The following HMGA2 variants were observed in gnomAD, a reference collection of about 807,000 sequenced individuals.
HMGA2 encodes the protein high mobility group protein HMGI-C.
Under a neutral mutation model 19.1 loss-of-function variants are expected in HMGA2, and 8 were observed. That is an observed-to-expected ratio of 0.42 (90% confidence interval 0.25 to 0.76). HMGA2 has a LOEUF of 0.76. Ranked by LOEUF, HMGA2 falls within the 30% of genes least tolerant of loss-of-function variation. The pLI is 0.28. For synonymous variants in HMGA2, 60 were observed against 48.8 expected, an observed-to-expected ratio of 1.23 and a Z score of -0.96; for missense variants, 109 against 136.3, an observed-to-expected ratio of 0.80 and a Z score of 1.00.
rs146547770 is a variant in HMGA2 at position 65,884,011 on chromosome 12, G to A, written c.249+45442G>A. ...CTCCCGGGTAACTGGGATTACAGGCGCGCACCACCACGCCCAGCTAATTTT... is the reference window on the plus strand; with the variant it reads ...CTCCCGGGTAACTGGGATTACAGGCACGCACCACCACGCCCAGCTAATTTT... On this transcript the variant is annotated intron_variant, in intron 3 of 4. Coordinates refer to ENST00000403681, the MANE Select transcript of HMGA2 (RefSeq NM_003483.6). 3.0e-3 allele frequency among the ~76,000 whole-genome samples: 453 copies of A among 152,140 alleles called. 4 individuals carry two copies. Among genetic ancestry groups the A allele is most frequent in the African/African-American group, 0.01 (423 of 41,512 alleles).
chr12:65,899,920 G>A (rs1008522183), intron 3 of HMGA2, among the ~76,000 whole-genome samples: 4 of 152,146 alleles, frequency 2.6e-5, no homozygotes, highest in African/African-American at 9.7e-5. Flanking sequence ...TACTATTCAA[G>A]TTAGACACTA....
At chr12:65,856,517 A>G (rs1871749876) in intron 3 of HMGA2, 2 of 152,130 alleles carry the variant, frequency 1.3e-5, no homozygotes, top group African/African-American at 2.4e-5. Context: ...TTGGATTTCC[A>G]TTGGGAATGT....
intron 2 of HMGA2, 38 bp downstream of exon 2, chr12:65,828,125 A>G: frequency 7.0e-7 from 1 of 1,434,614 alleles, no homozygotes; most frequent in Non-Finnish European, 9.8e-7. Context: ...AACTTCATCA[A>G]TGACTGACTA....
chr12:65,836,118 G>T (rs1317075801), intron 2 of HMGA2, among the ~76,000 whole-genome samples: 1 of 152,150 alleles, frequency 6.6e-6, no homozygotes, highest in Non-Finnish European at 1.5e-5. Context: ...CTCCCTTTCT[G>T]GGAGGCAGAG....
intron 3 of HMGA2, among the ~76,000 whole-genome samples, chr12:65,901,261 T>TG (rs1874360902): frequency 2.6e-5 from 4 of 152,228 alleles, no homozygotes; most frequent in African/African-American, 9.6e-5. Flanking sequence ...CTTTACATTA[T>TG]AAATAGCATA....
intron 3 of HMGA2, chr12:65,842,110 T>G: frequency 7.8e-7 from 1 of 1,289,506 alleles, no homozygotes; most frequent in African/African-American, 1.5e-5. Context: ...AAATTGGGTC[T>G]CTTTTTTTCC....
At chr12:65,882,290 G>C (rs1195411877) in intron 3 of HMGA2, 1 of 239,338 alleles carries the variant, frequency 4.2e-6, no homozygotes, top group African/African-American at 2.2e-5. Context: ...AGGAAGCCTC[G>C]GCTGTGCTCC....
At chr12:65,915,125 C>A in intron 3 of HMGA2, 1 of 1,613,676 alleles carries the variant, frequency 6.2e-7, no homozygotes, top group South Asian at 1.1e-5. Flanking sequence ...CAAAAGGAGT[C>A]ACTGAATTGT....
At chr12:65,904,037 G>A (rs1031726270) in intron 3 of HMGA2, among the ~76,000 whole-genome samples, 6 of 152,224 alleles carry the variant, frequency 3.9e-5, no homozygotes, top group Non-Finnish European at 7.3e-5. Context: ...ATCGCGTAGC[G>A]ATCCATGAGC....
intron 3 of HMGA2, among the ~76,000 whole-genome samples, chr12:65,919,436 A>T (rs1027835252): frequency 6.6e-6 from 1 of 152,206 alleles, no homozygotes; most frequent in Non-Finnish European, 1.5e-5. Flanking sequence ...CTCTTGCCTG[A>T]TTTTCATAAC....
chr12:65,952,577 G>T, intron 4 of HMGA2: 1 of 1,227,356 alleles, frequency 8.1e-7, no homozygotes, highest in East Asian at 2.7e-5. Context: ...GCTAAGAGTG[G>T]GAGAGGGGTG....
intron 3 of HMGA2, among the ~76,000 whole-genome samples, chr12:65,943,847 G>T (rs1220930716): frequency 2.6e-5 from 4 of 152,210 alleles, no homozygotes; most frequent in Non-Finnish European, 4.4e-5. Flanking sequence ...ATGAATGGAA[G>T]TTAAGACCTA....
rs183599887 is a variant in HMGA2 at position 65,890,407 on chromosome 12, T to G, written c.249+51838T>G. On this transcript the variant is annotated intron_variant, in intron 3 of 4. Transcript: ENST00000403681. ...CTTTTAGTTTTTTCAAAATCATGCTTACTTATTCATTAATATATTCTTGTG... is the reference window on the plus strand; with the variant it reads ...CTTTTAGTTTTTTCAAAATCATGCTGACTTATTCATTAATATATTCTTGTG... Among the ~76,000 whole-genome samples, 165 of 152,354 alleles carry G rather than the reference T, an allele frequency of 1.1e-3. 1 individual carries two copies. The highest frequency in any genetic ancestry group is 0.011 in the Admixed American group (164 of 15,308).
intron 3 of HMGA2, among the ~76,000 whole-genome samples, chr12:65,923,839 G>A (rs147595837): frequency 0.017 from 2,655 of 152,094 alleles, 38 homozygotes; most frequent in Non-Finnish European, 0.029. Flanking sequence ...GAGAAACCCC[G>A]TCTCTACTAA....
At chr12:65,945,355 A>G (rs982185398) in intron 3 of HMGA2, among the ~76,000 whole-genome samples, 1 of 152,208 alleles carries the variant, frequency 6.6e-6, no homozygotes, top group Admixed American at 6.5e-5. Context: ...CCGGAGGGCC[A>G]TGAACAAGTA....
At chr12:65,893,991 T>A (rs1236108162) in intron 3 of HMGA2, among the ~76,000 whole-genome samples, 1 of 152,216 alleles carries the variant, frequency 6.6e-6, no homozygotes, top group Non-Finnish European at 1.5e-5. Flanking sequence ...AAAGAAATGA[T>A]ACATAGAGGG....
chr12:65,830,226 T>C (rs1384917724), intron 2 of HMGA2, among the ~76,000 whole-genome samples: 1 of 152,006 alleles, frequency 6.6e-6, no homozygotes, highest in Non-Finnish European at 1.5e-5. Flanking sequence ...TCATGGCATG[T>C]GTAAACTTAA....
At chr12:65,910,014 G>A (rs758790492) in intron 3 of HMGA2, among the ~76,000 whole-genome samples, 3 of 152,264 alleles carry the variant, frequency 2.0e-5, no homozygotes, top group Middle Eastern at 6.8e-3. Flanking sequence ...GGCAAATAAA[G>A]CTAACAGCAC....
chr12:65,932,976 T>C (rs1250621028), intron 3 of HMGA2, among the ~76,000 whole-genome samples: 3 of 152,210 alleles, frequency 2.0e-5, no homozygotes, highest in African/African-American at 7.2e-5. Flanking sequence ...CTTGGGCACA[T>C]ACCACAGACA....
Sources: allele counts gnomAD v4.1 joint callset (sites outside exome capture counted in the v4.1 genomes callset), GRCh38; gene constraint gnomAD v4.1.1; transcripts MANE v1.5; gene names NCBI Gene and HGNC (gene_info 2026-07-23, HGNC 2026-07-21).